The following MBOAT7 variants were observed in gnomAD, a reference collection of about 807,000 sequenced individuals.
MBOAT7 encodes the protein membrane bound acylglycerophosphatidylinositol O-acyltransferase MBOAT7, also known as membrane-bound acylglycerophosphatidylinositol O-acyltransferase MBOAT7.
MBOAT7 carries 40 observed loss-of-function variants against 47.4 expected under a neutral mutation model. That is an observed-to-expected ratio of 0.84 (90% CI 0.66 to 1.10). MBOAT7 has a LOEUF of 1.10. Among genes scored for constraint, MBOAT7 ranks in the 50% least tolerant of loss-of-function variants. The pLI, the probability that MBOAT7 is intolerant of heterozygous loss-of-function variation, is 0.00. For missense variants in MBOAT7, 680 were observed against 655.6 expected (o/e 1.04, Z -0.41); for synonymous variants, 361 against 292.0 (o/e 1.24, Z -2.41).
chr19:54,181,010 A>G lies in MBOAT7; in HGVS notation c.617T>C (p.Leu206Pro). ...WPAPLFGLLFLLSSHLFPLEA... is the reference protein window; with the variant it reads ...WPAPLFGLLFPLSSHLFPLEA... ...CAGCGGGAAGAGGTGAGAGGAGAGC[A>G]GGAACAGCAGGCCGAAGAGCGGGGC... The change falls in exon 6 of 8, where the codon CTG (leucine) becomes CCG (proline). Residue 206 changes from leucine (L) to proline (P), a missense_variant. Transcript: ENST00000245615. The G allele has an allele frequency of 3.9e-6, 6 of 1,557,952 alleles. No individual in the cohort carries two copies. Among genetic ancestry groups the G allele is most frequent in the Non-Finnish European group, 5.2e-6 (6 of 1,151,530 alleles).
At chr19:54,184,061 T>C (rs541433783) in intron 4 of MBOAT7, among the ~76,000 whole-genome samples, 2 of 151,992 alleles carry the variant, frequency 1.3e-5, no homozygotes, top group East Asian at 1.9e-4. Flanking sequence ...CCCCACAAGG[T>C]AGACCCTCTT....
Position 54,174,200 on chromosome 19 carries a change from G to GA in MBOAT7, c.1262_1263insT (p.Thr422HisfsTer94), listed in dbSNP as rs780150414. On this transcript the variant is annotated frameshift_variant, in exon 8 of 8. Transcript: ENST00000245615. LOFTEE classifies it high-confidence loss of function. ...AGATGGAGGCCCAGTACCGAAGGGT[G>GA]TCGGCCAAGGAGAGCAGCACGAAGC... The GA allele has an allele frequency of 2.5e-6, 4 of 1,599,130 alleles. No individual in the cohort carries two copies. In the African/African-American group the frequency reaches 5.4e-5, roughly 22 times the overall value.
chr19:54,181,115 CGGTAG>C lies in MBOAT7; in HGVS notation c.507_511del (p.Tyr170HisfsTer124). On this transcript the variant is annotated frameshift_variant, in exon 6 of 8. Transcript: ENST00000245615. LOFTEE classifies it high-confidence loss of function. ...CTGCTCCAGCCAGTCCAGGTAGGTGCGGTAGCGGAAGAACGGGCCTGTGGGGCGGG... is the reference window on the plus strand; with the variant it reads ...CTGCTCCAGCCAGTCCAGGTAGGTGCCGGAAGAACGGGCCTGTGGGGCGGG... The C allele has an allele frequency of 7.2e-7, 1 of 1,397,308 alleles. No individual in the cohort carries two copies. Among genetic ancestry groups the C allele is most frequent in the Non-Finnish European group, 9.4e-7 (1 of 1,064,124 alleles). The allele number at this position is 1,397,308 out of a possible 1,614,324, so 86.6% of individuals were successfully genotyped here.
Position 54,173,507 on chromosome 19 carries a change from G to A in MBOAT7, c.*537C>T, listed in dbSNP as rs546436369. 34 of 187,284 alleles carry A rather than the reference G, an allele frequency of 1.8e-4. No individual in the cohort carries two copies. The highest frequency in any genetic ancestry group is 4.9e-4 in the African/African-American group (21 of 42,630). 11.6% of individuals were successfully genotyped at this position (187,284 alleles called of 1,614,324 possible). A position where few individuals can be genotyped will look rare whatever the true frequency, so the allele number is the denominator to read the frequency against. ...AGGGCGCCAGGAGTGCTGGGGTCCCGAGGTGGCTCAGATGGAAGCCATGGG... is the reference window on the plus strand; with the variant it reads ...AGGGCGCCAGGAGTGCTGGGGTCCCAAGGTGGCTCAGATGGAAGCCATGGG... On this transcript the variant is annotated 3_prime_UTR_variant, in exon 8 of 8. Transcript: ENST00000245615.
At position 54,174,447 on chromosome 19, in the gene MBOAT7, G is replaced by C. The variant is rs973651999; in HGVS notation, c.1032-16C>G. 6.6e-7 allele frequency: 1 copy of C among 1,523,054 alleles called. No homozygotes were observed. Among genetic ancestry groups the C allele is most frequent in the Admixed American group, 2.1e-5 (1 of 48,266 alleles). The allele number at this position is 1,523,054 out of a possible 1,614,324, so 94.3% of individuals were successfully genotyped here. ...CCAGGCGCTCCTGAGGAGGAGGCTG[G>C]GAGTCAGGACCTACGAGTCCAGGTC... On this transcript the variant is annotated splice_polypyrimidine_tract_variant and intron_variant, in intron 7 of 7. Coordinates refer to ENST00000245615, the MANE Select transcript of MBOAT7 (RefSeq NM_024298.5).
chr19:54,186,275 A>G, intron 4 of MBOAT7, among the ~76,000 whole-genome samples: 1 of 152,164 alleles, frequency 6.6e-6, no homozygotes. Context: ...TCAGCCTCCC[A>G]AAGTGCTGGC....
At chr19:54,175,102 A>G (rs1049140151) in intron 7 of MBOAT7, among the ~76,000 whole-genome samples, 6 of 151,380 alleles carry the variant, frequency 4.0e-5, no homozygotes, top group Admixed American at 6.6e-5. Flanking sequence ...CAGCCTCCCG[A>G]GTAGCTGGGA....
At position 54,188,303 on chromosome 19, in the gene MBOAT7, C is replaced by T. The variant is rs200505526; in HGVS notation, c.120G>A (p.Gly40=). 74 of 1,614,012 alleles carry T rather than the reference C, an allele frequency of 4.6e-5. No individual in the cohort carries two copies. In the East Asian group the frequency reaches 1.3e-3, roughly 28 times the overall value. ...GGGGGCCACAGGTGAACAGGGTGAG[C>T]CCCAGGCCCACAGCGGCTGCTCCCC... ...KRWGAAAVGL[G]LTLFTCGPHT... is the part of the protein sequence containing the mutation. Residue 40 remains glycine (G), a synonymous_variant, in exon 3 of 8, where the codon GGG becomes GGA. Transcript: ENST00000245615.
rs113855251 is a variant in MBOAT7 at position 54,179,220 on chromosome 19, G to A, written c.855-279C>T. The A allele has an allele frequency of 8.3e-4, 455 of 546,174 alleles. 1 individual carries two copies. Among genetic ancestry groups the A allele is most frequent in the African/African-American group, 7.3e-3 (391 of 53,236 alleles). 33.8% of individuals were successfully genotyped at this position (546,174 alleles called of 1,614,324 possible). A position where few individuals can be genotyped will look rare whatever the true frequency, so the allele number is the denominator to read the frequency against. ...GCCACAGCCATGAAAAGCCTTGAAG[G>A]GCTATGGTTGCTAAGCTATGAGTCC... On this transcript the variant is annotated intron_variant, in intron 6 of 7. Transcript: ENST00000245615.
intron 5 of MBOAT7, 85 bp from the exon 6 acceptor site, chr19:54,181,218 G>C: frequency 1.4e-6 from 2 of 1,415,142 alleles, no homozygotes; most frequent in South Asian, 3.0e-5. Flanking sequence ...GAGCTTGGAA[G>C]GAAGGTGGGA....
chr19:54,185,656 C>G (rs1335968505), intron 4 of MBOAT7, among the ~76,000 whole-genome samples: 1 of 152,118 alleles, frequency 6.6e-6, no homozygotes, highest in Non-Finnish European at 1.5e-5. Flanking sequence ...TGTTCCACTT[C>G]AATTCTCCTT....
rs762838702 is a variant in MBOAT7 at position 54,180,762 on chromosome 19, C to T, written c.854+11G>A. 1.6e-5 allele frequency: 24 copies of T among 1,503,576 alleles called. No individual in the cohort carries two copies. The highest frequency in any genetic ancestry group is 1.2e-4 in the East Asian group (5 of 42,128). The allele number at this position is 1,503,576 out of a possible 1,614,324, so 93.1% of individuals were successfully genotyped here. A position where few individuals can be genotyped will look rare whatever the true frequency, so the allele number is the denominator to read the frequency against. ...GCTGGGTCTTGGGAAGCCTCCCTCG[C>T]GCCGCCTGACCTGCTGGGGGGTGGG... On this transcript the variant is annotated intron_variant, in intron 6 of 7. Coordinates refer to ENST00000245615, the MANE Select transcript of MBOAT7 (RefSeq NM_024298.5). This position sits in a 1 kb window ranked among gnomAD's most constrained non-coding sequence, Gnocchi z 5.2.
At chr19:54,175,113 CTA>C (rs2076058723) in intron 7 of MBOAT7, among the ~76,000 whole-genome samples, 1 of 151,684 alleles carries the variant, frequency 6.6e-6, no homozygotes, top group African/African-American at 2.4e-5. Context: ...GTAGCTGGGA[CTA>C]CAGGCGCCTG....
chr19:54,174,148 C>T lies in MBOAT7; in HGVS notation c.1315G>A (p.Ala439Thr). Reference sequence around the variant, plus strand: ...AAAGCCAGCCCCAGCCCCAGGGCTGCCAGGGCCAGGAAGTGGATACAGAAG... The same window carrying T: ...AAAGCCAGCCCCAGCCCCAGGGCTGTCAGGGCCAGGAAGTGGATACAGAAG... ...IYFCIHFLAL[A>T]ALGLGLALGG... Residue 439 changes from alanine to threonine, a missense_variant, in exon 8 of 8, where the codon GCA (alanine) becomes ACA (threonine). Coordinates refer to ENST00000245615, the MANE Select transcript of MBOAT7 (RefSeq NM_024298.5). 1 of 1,598,518 alleles carries T rather than the reference C, an allele frequency of 6.3e-7. No homozygotes were observed. Among genetic ancestry groups the T allele is most frequent in the Non-Finnish European group, 8.5e-7 (1 of 1,173,406 alleles).
chr19:54,179,831 T>G (rs2076215196), intron 6 of MBOAT7: 1 of 151,936 alleles, frequency 6.6e-6, no homozygotes, highest in South Asian at 2.1e-4. Context: ...GGAGTAGTAG[T>G]TCATCATTTA....
rs1002252855 is a variant in MBOAT7 at position 54,173,652 on chromosome 19, CAAGG to C, written c.*388_*391del. 4.3e-6 allele frequency: 1 copy of C among 231,446 alleles called. No homozygotes were observed. Among genetic ancestry groups the C allele is most frequent in the South Asian group, 1.3e-4 (1 of 7,582 alleles). The allele number at this position is 231,446 out of a possible 1,614,324, so 14.3% of individuals were successfully genotyped here. A position where few individuals can be genotyped will look rare whatever the true frequency, so the allele number is the denominator to read the frequency against. On this transcript the variant is annotated 3_prime_UTR_variant, in exon 8 of 8. Coordinates refer to ENST00000245615, the MANE Select transcript of MBOAT7 (RefSeq NM_024298.5). ...TGAGCTAAAAGTGGAGCGAAAGACA[CAAGG>C]AAGAGGCTTCCCACTCCCAGGACCT...
At chr19:54,181,297 G>A (rs2076264484) in intron 5 of MBOAT7, among the ~76,000 whole-genome samples, 164 bp from the exon 6 acceptor site, 1 of 152,108 alleles carries the variant, frequency 6.6e-6, no homozygotes, top group Non-Finnish European at 1.5e-5. Flanking sequence ...GACCCTGAGA[G>A]ATGGGGATAA....
At position 54,174,260 on chromosome 19, in the gene MBOAT7, G is replaced by A. The variant is rs1185765186; in HGVS notation, c.1203C>T (p.Phe401=). The A allele has an allele frequency of 2.5e-6, 4 of 1,610,604 alleles. No individual in the cohort carries two copies. The highest frequency in any genetic ancestry group is 3.4e-6 in the Non-Finnish European group (4 of 1,178,056). The change falls in exon 8 of 8, where the codon TTC becomes TTT. Residue 401 remains phenylalanine (F), a synonymous_variant. Coordinates refer to ENST00000245615, the MANE Select transcript of MBOAT7 (RefSeq NM_024298.5). ...TGTAGTCATAGGCGCGCATCTTCAGGAACCAGTGCACCCAGTCCCAGGCCT... is the reference window on the plus strand; with the variant it reads ...TGTAGTCATAGGCGCGCATCTTCAGAAACCAGTGCACCCAGTCCCAGGCCT... ...GQKAWDWVHW[F]LKMRAYDYMC...
Position 54,180,385 on chromosome 19 carries a change from G to C in MBOAT7, c.854+388C>G. ...AGTGGCGTTCTGTTGCTAGGGAACC[G>C]TTTCCCTAGCAACAGAGGGTGACCC... is the stretch of plus-strand genomic sequence containing the variant. On this transcript the variant is annotated intron_variant, in intron 6 of 7. Transcript: ENST00000245615. The surrounding 1 kb of genome is among the most constrained non-coding windows in gnomAD (Gnocchi z 5.2). The C allele has an allele frequency of 1.3e-5, 2 of 158,532 alleles. No homozygotes were observed. The highest frequency in any genetic ancestry group is 2.7e-5 in the Non-Finnish European group (2 of 72,780). 9.8% of individuals were successfully genotyped at this position (158,532 alleles called of 1,614,324 possible).
Sources: allele counts gnomAD v4.1 joint callset (sites outside exome capture counted in the v4.1 genomes callset), GRCh38; gene constraint gnomAD v4.1.1; non-coding constraint Gnocchi (gnomAD v3.1); transcripts MANE v1.5; gene names NCBI Gene and HGNC (gene_info 2026-07-23, HGNC 2026-07-21).